The following RNASEH2B variants were observed in gnomAD, a reference collection of about 807,000 sequenced individuals.
RNASEH2B encodes the protein ribonuclease H2 subunit B.
RNASEH2B carries 36 observed loss-of-function variants against 45.0 expected under a neutral mutation model. That is an observed-to-expected ratio of 0.80 (90% CI 0.61 to 1.06). RNASEH2B has a LOEUF of 1.06. Among genes scored for constraint, RNASEH2B ranks in the 50% least tolerant of loss-of-function variants. The pLI, the probability that RNASEH2B is intolerant of heterozygous loss-of-function variation, is 0.00. For synonymous variants in RNASEH2B, 119 were observed against 125.7 expected (o/e 0.95, Z 0.35); for missense variants, 361 against 360.3 (o/e 1.00, Z -0.02).
intron 9 of RNASEH2B, among the ~76,000 whole-genome samples, chr13:50,966,513 TA>T (rs1362968015): frequency 1.3e-5 from 2 of 151,716 alleles, no homozygotes; most frequent in African/African-American, 2.4e-5. Context: ...TCAAGCCATA[TA>T]TTTTTTTTTT....
intron 5 of RNASEH2B, among the ~76,000 whole-genome samples, chr13:50,939,638 A>T (rs1166868203): frequency 6.6e-6 from 1 of 150,852 alleles, no homozygotes; most frequent in Non-Finnish European, 1.5e-5. Flanking sequence ...TGGTCAATTG[A>T]TTTTTTTTTT....
At chr13:50,914,408 G>C (rs552039349) in intron 1 of RNASEH2B, among the ~76,000 whole-genome samples, 11 of 152,356 alleles carry the variant, frequency 7.2e-5, no homozygotes, top group Admixed American at 4.6e-4. Flanking sequence ...TTCAAGTGCT[G>C]ATTTTAGACA....
chr13:50,927,336 AC>A, intron 1 of RNASEH2B, 70 bp from the exon 2 acceptor site: 1 of 909,286 alleles, frequency 1.1e-6, no homozygotes, highest in South Asian at 1.3e-5. Context: ...AGAAAGGAAA[AC>A]AGGGTAAAGT....
At chr13:50,917,451 G>A (rs1879808410) in intron 1 of RNASEH2B, among the ~76,000 whole-genome samples, 1 of 152,300 alleles carries the variant, frequency 6.6e-6, no homozygotes, top group South Asian at 2.1e-4. Context: ...ACTTGTACTT[G>A]CCTTCATTTA....
chr13:50,949,086 A>G, intron 8 of RNASEH2B: 1 of 178,288 alleles, frequency 5.6e-6, no homozygotes, highest in African/African-American at 2.4e-5. Flanking sequence ...GTTGAAATTT[A>G]TGTGGCTTTT....
At chr13:50,962,640 T>G (rs1025810974) in intron 9 of RNASEH2B, among the ~76,000 whole-genome samples, 6 of 152,336 alleles carry the variant, frequency 3.9e-5, no homozygotes, top group South Asian at 2.1e-4. Context: ...ATTGATCCTT[T>G]CAAAGAATCA....
At chr13:50,930,784 A>G in intron 4 of RNASEH2B, 25 bp downstream of exon 4, 1 of 1,539,804 alleles carries the variant, frequency 6.5e-7, no homozygotes, top group Non-Finnish European at 9.0e-7. Context: ...CGGAGCATCC[A>G]CAGTGAGGAA....
intron 9 of RNASEH2B, among the ~76,000 whole-genome samples, chr13:50,961,804 T>C (rs1462406750): frequency 1.3e-5 from 2 of 152,070 alleles, no homozygotes; most frequent in Admixed American, 1.3e-4. Flanking sequence ...TATCTATCAG[T>C]ATTTATCTAT....
At chr13:50,922,010 G>T (rs1177539499) in intron 1 of RNASEH2B, among the ~76,000 whole-genome samples, 1 of 152,160 alleles carries the variant, frequency 6.6e-6, no homozygotes, top group Non-Finnish European at 1.5e-5. Context: ...TCCTCAAGAA[G>T]TCCCATTCCC....
intron 5 of RNASEH2B, chr13:50,937,724 A>G (rs1951774127): frequency 6.6e-6 from 1 of 152,218 alleles, no homozygotes; most frequent in Non-Finnish European, 1.5e-5. Context: ...GATTATCTCA[A>G]AAGACACAGA....
Position 50,926,120 on chromosome 13 carries a change from C to T in RNASEH2B, c.65-1287C>T, listed in dbSNP as rs767306918. Among the ~76,000 whole-genome samples, 9 of 150,938 alleles carry T rather than the reference C, an allele frequency of 6.0e-5. No homozygotes were observed. The East Asian group carries it at 7.7e-4, about 13-fold the overall frequency. ...TTGTTTCAGAGGGTTAATTGAATTCCTGTTATTCCATCTTGGTGGAAAGTA... is the reference window on the plus strand; with the variant it reads ...TTGTTTCAGAGGGTTAATTGAATTCTTGTTATTCCATCTTGGTGGAAAGTA... On this transcript the variant is annotated intron_variant, in intron 1 of 10. Transcript: ENST00000336617.
intron 5 of RNASEH2B, among the ~76,000 whole-genome samples, chr13:50,939,856 A>T (rs1459049231): frequency 1.3e-5 from 2 of 152,220 alleles, no homozygotes; most frequent in African/African-American, 4.8e-5. Context: ...TTGTCTTGGG[A>T]GGCAAAGATT....
At chr13:50,930,980 G>T in intron 4 of RNASEH2B, 1 of 557,986 alleles carries the variant, frequency 1.8e-6, no homozygotes, top group Non-Finnish European at 3.2e-6. Flanking sequence ...ACCCTGGCTT[G>T]CTTGTGACCT....
chr13:50,965,857 G>T (rs571133088), intron 9 of RNASEH2B, among the ~76,000 whole-genome samples: 18 of 152,220 alleles, frequency 1.2e-4, no homozygotes, highest in African/African-American at 4.1e-4. Context: ...TATTAAGCCC[G>T]CAACCTAAAT....
At chr13:50,920,835 G>A (rs957441568) in intron 1 of RNASEH2B, among the ~76,000 whole-genome samples, 16 of 152,088 alleles carry the variant, frequency 1.1e-4, no homozygotes, top group African/African-American at 3.6e-4. Context: ...TGTTTATTGA[G>A]TATATCTCAT....
At chr13:50,943,062 C>G (rs907663452) in intron 5 of RNASEH2B, 1 of 373,728 alleles carries the variant, frequency 2.7e-6, no homozygotes, top group African/African-American at 2.1e-5. Context: ...TTTAAAATTA[C>G]CTTTTCTACA....
chr13:50,922,778 A>G (rs1486851441), intron 1 of RNASEH2B, among the ~76,000 whole-genome samples: 2 of 152,224 alleles, frequency 1.3e-5, no homozygotes, highest in African/African-American at 4.8e-5. Context: ...TGAGACATAC[A>G]TACACAAACA....
rs141473699 is a variant in RNASEH2B, at chr13:50,969,983, A to C, written c.*19A>C. The C allele has an allele frequency of 5.0e-5, 78 of 1,551,424 alleles. No individual in the cohort carries two copies. The African/African-American group carries it at 8.7e-4, about 17-fold the overall frequency. On this transcript the variant is annotated 3_prime_UTR_variant, in exon 10 of 10. Transcript: ENST00000422660. Reference sequence around the variant, plus strand: ...CAAGTGATGGTGGTGGCTCCACGCAAGGCTTGGCGGTTTTCCCTGCAACTT... The same window carrying C: ...CAAGTGATGGTGGTGGCTCCACGCACGGCTTGGCGGTTTTCCCTGCAACTT...
In RNASEH2B at chr13:50,953,042, T is replaced by C. The variant is rs1951996945; in HGVS notation, c.742-863T>C. 2 of 152,252 alleles carry C rather than the reference T, an allele frequency of 1.3e-5. 1 individual carries two copies. Among genetic ancestry groups the C allele is most frequent in the Non-Finnish European group, 2.9e-5 (2 of 68,060 alleles). 9.4% of individuals were successfully genotyped at this position (152,252 alleles called of 1,614,324 possible). A position where few individuals can be genotyped will look rare whatever the true frequency, so the allele number is the denominator to read the frequency against. On this transcript the variant is annotated intron_variant, in intron 9 of 10. Transcript: ENST00000336617. Reference sequence around the variant, plus strand: ...GTCTGTTTCCTAGGTTAGATCCATGTTGGGTCTGGTCAACCTGGTGTCTCC... The same window carrying C: ...GTCTGTTTCCTAGGTTAGATCCATGCTGGGTCTGGTCAACCTGGTGTCTCC...
Sources: allele counts gnomAD v4.1 joint callset (sites outside exome capture counted in the v4.1 genomes callset), GRCh38; gene constraint gnomAD v4.1.1; transcripts MANE v1.5; gene names NCBI Gene and HGNC (gene_info 2026-07-23, HGNC 2026-07-21).